ZC3H18: variants seen among roughly 807,000 people sequenced by gnomAD.
The protein encoded by ZC3H18 is zinc finger CCCH-type containing 18.
Under a neutral mutation model 106.1 loss-of-function variants are expected in ZC3H18, and 8 were observed. The ratio of observed to expected loss-of-function variants is 0.08; its 90% CI spans 0.04 to 0.14. ZC3H18 has a LOEUF of 0.14. ZC3H18 is among the 10% of genes least tolerant of loss of function. The pLI is 1.00. For synonymous variants in ZC3H18, 635 were observed against 522.1 expected, an observed-to-expected ratio of 1.22 and a Z score of -2.95; for missense variants, 1,318 against 1,278.4, an observed-to-expected ratio of 1.03 and a Z score of -0.47.
intron 3 of ZC3H18, among the ~76,000 whole-genome samples, chr16:88,597,627 G>A (rs929506395): frequency 6.6e-6 from 1 of 152,182 alleles, no homozygotes; most frequent in Admixed American, 6.5e-5. Context: ...TGTTATTTAT[G>A]AGCAAAGTGT....
chr16:88,630,769 C>A lies in ZC3H18; in HGVS notation c.2663+188C>A, dbSNP rs1337159910. 1.3e-4 allele frequency among the ~76,000 whole-genome samples: 15 copies of A among 112,060 alleles called. 1 individual carries two copies. In the East Asian group the frequency reaches 4.1e-3, roughly 30 times the overall value. 73.5% of individuals were successfully genotyped at this position (112,060 alleles called of 152,430 possible). On this transcript the variant is annotated intron_variant, in intron 17 of 17. Coordinates refer to ENST00000301011, the MANE Select transcript of ZC3H18 (RefSeq NM_144604.4). Reference sequence around the variant, plus strand: ...GCCCCACCCCCCACCCCCCCCCACACACACACACACGCTCCTGCCCTGGTT... The same window carrying A: ...GCCCCACCCCCCACCCCCCCCCACAAACACACACACGCTCCTGCCCTGGTT...
In ZC3H18 at chr16:88,624,734, C is replaced by T. The variant is rs777686072; in HGVS notation, c.2031C>T (p.Thr677=). The T allele has an allele frequency of 3.7e-6, 6 of 1,612,236 alleles. No homozygotes were observed. Among genetic ancestry groups the T allele is most frequent in the Middle Eastern group, 1.8e-4 (1 of 5,488 alleles). ...GGAGGAAGGAGCGGCCAGCCAGGAC[C>T]CCCCCCAGGAGGTGAGCACTCCGGC... The part of the protein sequence containing the change: ...EARRKERPAR[T]PPRRRTLSGS... Residue 677 remains threonine, a synonymous_variant, in exon 12 of 18, where the codon ACC becomes ACT. Coordinates refer to ENST00000301011, the MANE Select transcript of ZC3H18 (RefSeq NM_144604.4).
chr16:88,629,466 CTG>C (rs936976851), intron 16 of ZC3H18, among the ~76,000 whole-genome samples: 8 of 152,160 alleles, frequency 5.3e-5, no homozygotes, highest in African/African-American at 1.7e-4. Context: ...ACAAGAGCAA[CTG>C]TATTTTTTTT....
intron 2 of ZC3H18, among the ~76,000 whole-genome samples, chr16:88,578,958 GA>G (rs1227708662): frequency 6.6e-6 from 1 of 152,216 alleles, no homozygotes; most frequent in Non-Finnish European, 1.5e-5. Context: ...ACAGTGCTGG[GA>G]TCACAGGCGT....
At chr16:88,590,252 C>T (rs776632961) in intron 3 of ZC3H18, among the ~76,000 whole-genome samples, 12 of 152,222 alleles carry the variant, frequency 7.9e-5, no homozygotes, top group African/African-American at 1.4e-4. Context: ...GCTCAGGCCT[C>T]TCTTAGCTTT....
rs1906713184 is a variant in ZC3H18 at position 88,631,848 on chromosome 16, A to G, written c.*549A>G. ...AGCATCAAATTGTTTTAGTTGATTT[A>G]AAAAGGAAAAAATACAGAAAAGACC... is the stretch of plus-strand genomic sequence containing the variant. On this transcript the variant is annotated 3_prime_UTR_variant, in exon 18 of 18. Transcript: ENST00000301011. 2 of 297,140 alleles carry G rather than the reference A, an allele frequency of 6.7e-6. No individual in the cohort carries two copies. Among genetic ancestry groups the G allele is most frequent in the South Asian group, 5.3e-5 (2 of 37,862 alleles). The allele number at this position is 297,140 out of a possible 1,614,324, so 18.4% of individuals were successfully genotyped here.
chr16:88,607,529 C>T (rs897005918), intron 6 of ZC3H18, among the ~76,000 whole-genome samples: 9 of 152,024 alleles, frequency 5.9e-5, no homozygotes, highest in African/African-American at 1.2e-4. Flanking sequence ...CCCCATTATT[C>T]ATGCACGCTT....
Position 88,608,926 on chromosome 16 carries a change from C to G in ZC3H18, c.1089-8C>G, listed in dbSNP as rs147184417. On this transcript the variant is annotated splice_region_variant and splice_polypyrimidine_tract_variant and intron_variant, in intron 6 of 17. Coordinates refer to ENST00000301011, the MANE Select transcript of ZC3H18 (RefSeq NM_144604.4). ...TGATGAGAGTTCTTTTTCATTGGCC[C>G]TTTTCAGACTCGAGCCTTACGCAGA... 1.9e-5 allele frequency: 31 copies of G among 1,606,728 alleles called. No homozygotes were observed. Among genetic ancestry groups the G allele is most frequent in the Non-Finnish European group, 2.5e-5 (29 of 1,176,530 alleles).
intron 10 of ZC3H18, chr16:88,623,559 G>C (rs1429840455): frequency 1.5e-5 from 10 of 648,190 alleles, no homozygotes; most frequent in Non-Finnish European, 2.1e-5. Flanking sequence ...CTGTCACTGA[G>C]GGCCACAGCC....
chr16:88,629,636 A>C (rs1394444569), intron 16 of ZC3H18, among the ~76,000 whole-genome samples: 1 of 152,186 alleles, frequency 6.6e-6, no homozygotes, highest in East Asian at 1.9e-4. Flanking sequence ...GCTCCTGCGG[A>C]CTGAGTGACG....
At chr16:88,618,561 G>C (rs1003909678) in intron 8 of ZC3H18, among the ~76,000 whole-genome samples, 2 of 152,200 alleles carry the variant, frequency 1.3e-5, no homozygotes, top group African/African-American at 4.8e-5. Context: ...TGGCATCTGT[G>C]GCGCCTCGTG....
chr16:88,605,678 T>G (rs1047487574), intron 6 of ZC3H18, among the ~76,000 whole-genome samples: 2 of 152,228 alleles, frequency 1.3e-5, no homozygotes, highest in Non-Finnish European at 2.9e-5. Context: ...GTTAGACATT[T>G]TAGAACTTTT....
rs544352239 is a variant in ZC3H18, at chr16:88,622,741, G to A, written c.1667+353G>A. 3 of 297,424 alleles carry A rather than the reference G, an allele frequency of 1.0e-5. No individual in the cohort carries two copies. In the East Asian group the frequency reaches 2.5e-4, roughly 25 times the overall value. 18.4% of individuals were successfully genotyped at this position (297,424 alleles called of 1,614,324 possible). Reference sequence around the variant, plus strand: ...GTTCCTCCAGACTGGACCTGAAACTGTTGCCCCTCCACCTACGGTCCTGGT... The same window carrying A: ...GTTCCTCCAGACTGGACCTGAAACTATTGCCCCTCCACCTACGGTCCTGGT... On this transcript the variant is annotated intron_variant, in intron 9 of 17. Transcript: ENST00000301011.
chr16:88,617,459 C>T (rs1439875985), intron 8 of ZC3H18, among the ~76,000 whole-genome samples: 1 of 152,188 alleles, frequency 6.6e-6, no homozygotes, highest in Non-Finnish European at 1.5e-5. Flanking sequence ...TTATGTGAAA[C>T]CTAATCTTTA....
intron 8 of ZC3H18, among the ~76,000 whole-genome samples, chr16:88,618,427 T>C (rs1905757830): frequency 6.6e-6 from 1 of 152,202 alleles, no homozygotes; most frequent in Non-Finnish European, 1.5e-5. Context: ...CCCTTGTTGA[T>C]GTAGATGCTT....
intron 10 of ZC3H18, 106 bp downstream of exon 10, chr16:88,623,450 G>T: frequency 1.4e-6 from 2 of 1,453,546 alleles, no homozygotes; most frequent in Non-Finnish European, 9.2e-7. Context: ...GGTATTGAAG[G>T]TCCCTGCTGG....
chr16:88,615,909 G>A (rs11642855), intron 8 of ZC3H18, among the ~76,000 whole-genome samples: 4,053 of 152,312 alleles, frequency 0.027, 78 homozygotes, highest in Non-Finnish European at 0.041. Flanking sequence ...TGGAGTACGC[G>A]TTAGAGGGCC....
intron 8 of ZC3H18, among the ~76,000 whole-genome samples, chr16:88,620,343 C>G (rs915399017): frequency 2.0e-5 from 3 of 152,204 alleles, no homozygotes; most frequent in Non-Finnish European, 2.9e-5. Context: ...AACCCCAGCA[C>G]TCTGGGAGGC....
intron 6 of ZC3H18, 113 bp from the exon 7 acceptor site, chr16:88,608,821 G>A: frequency 1.2e-6 from 1 of 834,876 alleles, no homozygotes; most frequent in South Asian, 1.9e-5. Context: ...TGCGCTCCTG[G>A]AGTAAACCCC....
Sources: gnomAD v4.1 joint callset for allele counts (sites outside exome capture counted in the v4.1 genomes callset) on GRCh38, gnomAD v4.1.1 for gene constraint, MANE v1.5 for transcripts, NCBI Gene and HGNC (gene_info 2026-07-23, HGNC 2026-07-21) for gene names.